Variants in TSTD2 observed in about 807,000 individuals in gnomAD.
TSTD2 encodes the protein thiosulfate sulfurtransferase like domain containing 2, also known as thiosulfate sulfurtransferase/rhodanese-like domain-containing protein 2.
A neutral mutation model predicts 47.9 loss-of-function variants in TSTD2; 37 were observed. That is an observed-to-expected ratio of 0.77 (90% CI 0.59 to 1.02). The LOEUF (loss-of-function observed/expected upper bound fraction) is 1.02. Ranked by LOEUF, TSTD2 falls within the 50% of genes least tolerant of loss-of-function variation. TSTD2 has a pLI of 0.00. For synonymous variants in TSTD2, 201 were observed against 215.9 expected, an observed-to-expected ratio of 0.93 and a Z score of 0.61; for missense variants, 586 against 616.0, an observed-to-expected ratio of 0.95 and a Z score of 0.52.
At chr9:97,616,228 C>T (rs955160680) in intron 4 of TSTD2, among the ~76,000 whole-genome samples, 4 of 151,998 alleles carry the variant, frequency 2.6e-5, no homozygotes, top group South Asian at 2.1e-4. Context: ...AACTGAAAGA[C>T]CATGTTGCTG....
At chr9:97,616,222 GAA>G (rs1028453264) in intron 4 of TSTD2, among the ~76,000 whole-genome samples, 40 of 152,288 alleles carry the variant, frequency 2.6e-4, no homozygotes, top group African/African-American at 8.7e-4. Flanking sequence ...CCAAAAAACT[GAA>G]AGACCATGTT....
chr9:97,618,005 G>T lies in TSTD2; in HGVS notation c.483-128C>A, dbSNP rs73554645. 2.1e-3 allele frequency: 2,623 copies of T among 1,271,474 alleles called. 44 individuals are homozygous for T. The African/African-American group carries it at 0.036, about 17-fold the overall frequency. 78.8% of individuals were successfully genotyped at this position (1,271,474 alleles called of 1,614,324 possible). On this transcript the variant is annotated intron_variant, in intron 3 of 9. Coordinates refer to ENST00000341170, the MANE Select transcript of TSTD2 (RefSeq NM_139246.5). ...GGACACTCATGCCTGTCTTTGCTGT[G>T]ATGATTGTTCTCCTCCTGAAATGAG...
intron 3 of TSTD2, among the ~76,000 whole-genome samples, chr9:97,621,843 C>T (rs1456893178): frequency 6.6e-6 from 1 of 152,110 alleles, no homozygotes; most frequent in Admixed American, 6.5e-5. Flanking sequence ...CTCTGCCCTT[C>T]TGCCCTTGTT....
intron 9 of TSTD2, 159 bp downstream of exon 9, chr9:97,604,568 T>A: frequency 8.7e-7 from 1 of 1,146,858 alleles, no homozygotes. Context: ...TTCTCTCAGC[T>A]CCACAGCTGG....
At chr9:97,621,069 C>T (rs995450229) in intron 3 of TSTD2, among the ~76,000 whole-genome samples, 9 of 152,154 alleles carry the variant, frequency 5.9e-5, no homozygotes, top group Non-Finnish European at 1.0e-4. Flanking sequence ...GTCAGGGACC[C>T]TGAACGGAGG....
chr9:97,624,930 C>T (rs1281798793), intron 3 of TSTD2, among the ~76,000 whole-genome samples: 2 of 151,756 alleles, frequency 1.3e-5, no homozygotes, highest in South Asian at 2.1e-4. Context: ...GAAACCCCCC[C>T]TTTTTTTTGC....
chr9:97,602,200 C>G lies in TSTD2; in HGVS notation c.*269G>C. 1 of 438,454 alleles carries G rather than the reference C, an allele frequency of 2.3e-6. No individual in the cohort carries two copies. Among genetic ancestry groups the G allele is most frequent in the Non-Finnish European group, 4.0e-6 (1 of 248,198 alleles). The allele number at this position is 438,454 out of a possible 1,614,324, so 27.2% of individuals were successfully genotyped here. The stretch of plus-strand genomic sequence containing the variant: ...AAGGGCATATGCTGTGGCCACCAGG[C>G]TCAGGCTCTATCCCTCAGCAGCTTT... On this transcript the variant is annotated 3_prime_UTR_variant, in exon 10 of 10. Transcript: ENST00000341170.
chr9:97,608,087 G>A (rs976648948), intron 6 of TSTD2, among the ~76,000 whole-genome samples: 2 of 152,194 alleles, frequency 1.3e-5, no homozygotes. Context: ...GGAGGCTGAG[G>A]CAGGAGAATC....
At chr9:97,616,202 T>G (rs1048407322) in intron 4 of TSTD2, among the ~76,000 whole-genome samples, 27 of 151,920 alleles carry the variant, frequency 1.8e-4, no homozygotes, top group African/African-American at 6.3e-4. Context: ...AGAAAAGAAC[T>G]CGGTGGGTTC....
At chr9:97,623,013 G>A (rs965618248) in intron 3 of TSTD2, among the ~76,000 whole-genome samples, 12 of 152,324 alleles carry the variant, frequency 7.9e-5, no homozygotes, top group African/African-American at 2.9e-4. Context: ...GACAGAATTG[G>A]TTTTTAAATG....
chr9:97,607,508 G>A (rs1041127218), intron 6 of TSTD2, among the ~76,000 whole-genome samples: 2 of 152,220 alleles, frequency 1.3e-5, no homozygotes, highest in African/African-American at 2.4e-5. Flanking sequence ...ACCTGCCTGA[G>A]TTATGGTTGT....
intron 6 of TSTD2, among the ~76,000 whole-genome samples, chr9:97,608,505 G>T (rs929546590): frequency 6.6e-6 from 1 of 151,944 alleles, no homozygotes; most frequent in Non-Finnish European, 1.5e-5. Flanking sequence ...GTGTGGTGGC[G>T]CACACTTGTA....
chr9:97,614,268 CAG>C (rs1466322498), intron 4 of TSTD2, among the ~76,000 whole-genome samples: 3 of 152,170 alleles, frequency 2.0e-5, no homozygotes, highest in African/African-American at 7.2e-5. Context: ...GTAATATGAT[CAG>C]AGAATATTTT....
At chr9:97,604,975 G>A (rs771067771) in intron 8 of TSTD2, 110 bp from the exon 9 acceptor site, 252 of 1,484,936 alleles carry the variant, frequency 1.7e-4, no homozygotes, top group Non-Finnish European at 2.1e-4. Context: ...ACTCATGGCC[G>A]CTGCTATCAG....
chr9:97,614,683 G>A (rs1826515038), intron 4 of TSTD2, among the ~76,000 whole-genome samples: 1 of 152,176 alleles, frequency 6.6e-6, no homozygotes, highest in African/African-American at 2.4e-5. Context: ...AGAGAGGAAG[G>A]AAACAGCAAA....
intron 3 of TSTD2, among the ~76,000 whole-genome samples, chr9:97,619,989 C>T (rs918077872): frequency 2.6e-5 from 4 of 152,168 alleles, no homozygotes; most frequent in Admixed American, 6.5e-5. Flanking sequence ...TCCTATGATT[C>T]AGTTTTAAAA....
chr9:97,610,492 C>A, intron 5 of TSTD2, 41 bp from the exon 6 acceptor site: 1 of 1,409,722 alleles, frequency 7.1e-7, no homozygotes, highest in Non-Finnish European at 9.5e-7. Flanking sequence ...TCTTGCTGTC[C>A]CATCTCCAGG....
At chr9:97,612,585 T>C (rs944467927) in intron 4 of TSTD2, among the ~76,000 whole-genome samples, 19 of 152,254 alleles carry the variant, frequency 1.2e-4, no homozygotes, top group African/African-American at 4.6e-4. Flanking sequence ...AGACAGAGTC[T>C]TGCTCTGTTG....
Position 97,602,360 on chromosome 9 carries a change from G to C in TSTD2, c.*109C>G, listed in dbSNP as rs1163906106. ...ACGGCTGCCACGGTGGCAGCGGCCAGAACTGAAGTTCCCGATTTCTCTGTT... is the reference window on the plus strand; with the variant it reads ...ACGGCTGCCACGGTGGCAGCGGCCACAACTGAAGTTCCCGATTTCTCTGTT... On this transcript the variant is annotated 3_prime_UTR_variant, in exon 10 of 10. Transcript: ENST00000341170. 1.4e-5 allele frequency: 19 copies of C among 1,351,634 alleles called. No homozygotes were observed. The East Asian group carries it at 4.6e-4, about 33-fold the overall frequency. 83.7% of individuals were successfully genotyped at this position (1,351,634 alleles called of 1,614,324 possible). A position where few individuals can be genotyped will look rare whatever the true frequency, so the allele number is the denominator to read the frequency against.
Sources: gnomAD v4.1 joint callset for allele counts (sites outside exome capture counted in the v4.1 genomes callset) on GRCh38, gnomAD v4.1.1 for gene constraint, MANE v1.5 for transcripts, NCBI Gene and HGNC (gene_info 2026-07-23, HGNC 2026-07-21) for gene names.